Variants in CADM2 observed in about 807,000 individuals in gnomAD.
CADM2 encodes the protein cell adhesion molecule 2.
In CADM2, 12 loss-of-function variants were observed where a neutral mutation model predicts 49.8. That is an observed-to-expected ratio of 0.24 (90% CI 0.15 to 0.39). The LOEUF (loss-of-function observed/expected upper bound fraction) is 0.39. Ranked by LOEUF, CADM2 falls within the 10% of genes least tolerant of loss-of-function variation. The probability of loss-of-function intolerance (pLI) is 1.00; values close to 1 mark genes in which losing one functional copy is unlikely to be tolerated. For missense variants in CADM2, 378 were observed against 492.3 expected, an observed-to-expected ratio of 0.77 and a Z score of 2.20; for synonymous variants, 214 against 175.4, an observed-to-expected ratio of 1.22 and a Z score of -1.74.
At chr3:85,813,958 G>A (rs151115085) in intron 3 of CADM2, among the ~76,000 whole-genome samples, 4,768 of 152,208 alleles carry the variant, frequency 0.031, 233 homozygotes, top group East Asian at 0.19. Context: ...AATATAGTTT[G>A]AAGTCAGGTA....
At chr3:85,429,659 T>A (rs2017293) in intron 1 of CADM2, among the ~76,000 whole-genome samples, 131,308 of 152,008 alleles carry the variant, frequency 0.86, 56,861 homozygotes, top group East Asian at 0.95. Flanking sequence ...TGGGATAATC[T>A]TGAGAAATAA....
chr3:84,996,563 G>T (rs1045491714), intron 1 of CADM2, among the ~76,000 whole-genome samples: 1 of 151,816 alleles, frequency 6.6e-6, no homozygotes, highest in Admixed American at 6.6e-5. Context: ...CTCATTCAAT[G>T]GATTTAATGA....
At chr3:85,554,895 T>TG (rs2061918270) in intron 1 of CADM2, among the ~76,000 whole-genome samples, 4 of 150,790 alleles carry the variant, frequency 2.7e-5, no homozygotes, top group African/African-American at 9.7e-5. Flanking sequence ...TTTTTTTTTT[T>TG]TGTGCAGACT....
intron 2 of CADM2, among the ~76,000 whole-genome samples, chr3:85,799,162 G>A (rs996219049): frequency 6.6e-6 from 1 of 152,192 alleles, no homozygotes. Context: ...AGCTTAAGGA[G>A]TTTTTGGGCT....
intron 7 of CADM2, among the ~76,000 whole-genome samples, chr3:85,950,714 C>T (rs1393261237): frequency 6.6e-6 from 1 of 151,020 alleles, no homozygotes; most frequent in Non-Finnish European, 1.5e-5. Flanking sequence ...TGATATTAAT[C>T]AGAATAGAAG....
At chr3:85,757,661 T>C (rs1201388767) in intron 2 of CADM2, among the ~76,000 whole-genome samples, 2 of 152,160 alleles carry the variant, frequency 1.3e-5, no homozygotes, top group African/African-American at 4.8e-5. Context: ...TAATGATTAA[T>C]GCAGTTGAGA....
At chr3:86,040,803 A>G (rs1268362646) in intron 8 of CADM2, among the ~76,000 whole-genome samples, 1 of 152,204 alleles carries the variant, frequency 6.6e-6, no homozygotes, top group Non-Finnish European at 1.5e-5. Context: ...ATTGAAATGA[A>G]GGAAAAAATG....
chr3:85,600,639 A>G (rs1273159912), intron 1 of CADM2, among the ~76,000 whole-genome samples: 2 of 151,402 alleles, frequency 1.3e-5, no homozygotes, highest in African/African-American at 2.4e-5. Context: ...GATTCACAGT[A>G]TGCTTTTAAG....
intron 1 of CADM2, among the ~76,000 whole-genome samples, chr3:85,406,880 G>T (rs2035404681): frequency 6.6e-6 from 1 of 151,734 alleles, no homozygotes; most frequent in African/African-American, 2.4e-5. Flanking sequence ...TTTCTACATA[G>T]AAGACATTAT....
rs368318147 is a variant in CADM2 at position 85,732,602 on chromosome 3, A to T, written c.88+6054A>T. 1.3e-4 allele frequency among the ~76,000 whole-genome samples: 20 copies of T among 152,300 alleles called. No individual in the cohort carries two copies. The East Asian group carries it at 3.7e-3, about 28-fold the overall frequency. On this transcript the variant is annotated intron_variant, in intron 2 of 9. Transcript: ENST00000383699. Reference sequence around the variant, plus strand: ...TAATAGTGCAATAATGTTTATTAAGATATATTACTGCAGCTTTTTTCTAAC... The same window carrying T: ...TAATAGTGCAATAATGTTTATTAAGTTATATTACTGCAGCTTTTTTCTAAC...
intron 8 of CADM2, among the ~76,000 whole-genome samples, chr3:85,969,435 A>G (rs1368249408): frequency 6.6e-6 from 1 of 151,366 alleles, no homozygotes; most frequent in Non-Finnish European, 1.5e-5. Context: ...AGAAATGCTG[A>G]TCTTTGCAAG....
chr3:85,495,600 A>G (rs1158452658), intron 1 of CADM2, among the ~76,000 whole-genome samples: 1 of 152,030 alleles, frequency 6.6e-6, no homozygotes, highest in Non-Finnish European at 1.5e-5. Flanking sequence ...CTAACCAAAG[A>G]CCAAATACAT....
At chr3:85,929,235 C>T (rs1720295678) in intron 6 of CADM2, among the ~76,000 whole-genome samples, 1 of 151,974 alleles carries the variant, frequency 6.6e-6, no homozygotes, top group Admixed American at 6.6e-5. Flanking sequence ...CACCTTGCTC[C>T]TACAGAGGAA....
intron 1 of CADM2, among the ~76,000 whole-genome samples, chr3:85,552,904 C>G (rs904214224): frequency 2.6e-5 from 4 of 152,058 alleles, no homozygotes; most frequent in African/African-American, 9.7e-5. Context: ...GTCTTGATCT[C>G]CTGACCTCAT....
chr3:85,343,791 A>G (rs1156253716), intron 1 of CADM2, among the ~76,000 whole-genome samples: 4 of 152,198 alleles, frequency 2.6e-5, no homozygotes, highest in Non-Finnish European at 4.4e-5. Context: ...CTGGAGCCGA[A>G]CTTTCACAGT....
At chr3:85,981,207 A>G (rs1004944245) in intron 8 of CADM2, among the ~76,000 whole-genome samples, 6 of 151,454 alleles carry the variant, frequency 4.0e-5, no homozygotes, top group African/African-American at 1.5e-4. Flanking sequence ...CTATCTATCT[A>G]TGTAATTTCA....
intron 1 of CADM2, among the ~76,000 whole-genome samples, chr3:85,378,243 C>T (rs1036917715): frequency 1.3e-5 from 2 of 151,968 alleles, no homozygotes; most frequent in South Asian, 2.1e-4. Context: ...CTCTGTCTAT[C>T]GTAGCCCTCA....
At chr3:85,370,152 G>A (rs1213842098) in intron 1 of CADM2, among the ~76,000 whole-genome samples, 1 of 150,616 alleles carries the variant, frequency 6.6e-6, no homozygotes, top group Admixed American at 6.6e-5. Context: ...GGGAGAGGTT[G>A]CAGTCAGCTG....
intron 1 of CADM2, among the ~76,000 whole-genome samples, chr3:85,364,397 C>T (rs377739492): frequency 6.6e-6 from 1 of 152,240 alleles, no homozygotes. Flanking sequence ...AAAGTACAAG[C>T]TGGGTTTTCA....
Sources: allele counts gnomAD v4.1 joint callset (sites outside exome capture counted in the v4.1 genomes callset), GRCh38; gene constraint gnomAD v4.1.1; transcripts MANE v1.5; gene names NCBI Gene and HGNC (gene_info 2026-07-23, HGNC 2026-07-21).